GLRA2: variants seen among roughly 807,000 people sequenced by gnomAD.
The protein encoded by GLRA2 is glycine receptor alpha 2, also known as glycine receptor subunit alpha-2.
In GLRA2, 11 loss-of-function variants were observed where a neutral mutation model predicts 31.6. The observed-to-expected ratio is 0.35, with a 90% CI of 0.22 to 0.58. The LOEUF (loss-of-function observed/expected upper bound fraction) is 0.58. Among genes scored for constraint, GLRA2 ranks in the 20% least tolerant of loss-of-function variants. The pLI is 0.84. For synonymous variants in GLRA2, 132 were observed against 134.0 expected (o/e 0.99, Z 0.10); for missense variants, 212 against 351.8 (o/e 0.60, Z 3.18).
intron 4 of GLRA2, among the ~76,000 whole-genome samples, chrX:14,589,923 C>A (rs1274358647): frequency 9.1e-6 from 1 of 110,023 alleles, no homozygotes; most frequent in Non-Finnish European, 1.9e-5. Context: ...TGCATGCCTC[C>A]AGAATGGGTA....
chrX:14,476,934 G>A, the GLRA2 span, among the ~76,000 whole-genome samples: 1 of 111,778 alleles, frequency 8.9e-6, no homozygotes. Flanking sequence ...ACTGAGTTAT[G>A]TCTAGACCTC....
chrX:14,515,851 A>G, the GLRA2 span, among the ~76,000 whole-genome samples: 6 of 111,848 alleles, frequency 5.4e-5, no homozygotes, highest in East Asian at 1.7e-3. Flanking sequence ...AATCATATCC[A>G]TTAGAACTTT....
At chrX:14,584,846 G>T (rs1163784214) in intron 4 of GLRA2, among the ~76,000 whole-genome samples, 3 of 111,880 alleles carry the variant, frequency 2.7e-5, no homozygotes, top group Non-Finnish European at 5.6e-5. Flanking sequence ...TCCAGGCCTT[G>T]GGTGGCATTT....
the GLRA2 span, among the ~76,000 whole-genome samples, chrX:14,489,631 A>G: frequency 1.3e-4 from 15 of 111,462 alleles, no homozygotes; most frequent in African/African-American, 4.6e-4. Flanking sequence ...CTGTGGTTGC[A>G]CTCCAGTGCA....
chrX:14,599,327 G>A (rs1168453850), intron 4 of GLRA2, among the ~76,000 whole-genome samples: 1 of 112,423 alleles, frequency 8.9e-6, no homozygotes, highest in Non-Finnish European at 1.9e-5. Flanking sequence ...TATCGGGGAA[G>A]AGGACAAATC....
At chrX:14,556,776 G>A (rs1429654014) in intron 2 of GLRA2, among the ~76,000 whole-genome samples, 1 of 112,012 alleles carries the variant, frequency 8.9e-6, no homozygotes, top group Non-Finnish European at 1.9e-5. Context: ...GGGCAGACAC[G>A]TTTTGTTTCA....
At chrX:14,473,512 T>C in the GLRA2 span, among the ~76,000 whole-genome samples, 1 of 112,368 alleles carries the variant, frequency 8.9e-6, no homozygotes, top group Non-Finnish European at 1.9e-5. Flanking sequence ...ATTTATGGCC[T>C]GTCCATGAAT....
chrX:14,686,267 G>C (rs183616101), intron 7 of GLRA2, among the ~76,000 whole-genome samples: 2 of 111,892 alleles, frequency 1.8e-5, no homozygotes, highest in Admixed American at 1.9e-4. Flanking sequence ...GTGTGATGTG[G>C]TGCTGAGAAG....
chrX:14,525,338 G>A (rs915057093), upstream of GLRA2, among the ~76,000 whole-genome samples: 4 of 111,025 alleles, frequency 3.6e-5, no homozygotes, highest in African/African-American at 1.3e-4. Flanking sequence ...CCATTGCATT[G>A]CAAATAAAAC....
At chrX:14,583,461 G>C (rs923611404) in intron 4 of GLRA2, among the ~76,000 whole-genome samples, 1 of 112,733 alleles carries the variant, frequency 8.9e-6, no homozygotes, top group Non-Finnish European at 1.9e-5. Context: ...TGTGGCGGCT[G>C]GGCGCCGTGG....
intron 2 of GLRA2, among the ~76,000 whole-genome samples, chrX:14,574,058 T>G (rs2089919945): frequency 1.8e-5 from 2 of 111,846 alleles, no homozygotes; most frequent in African/African-American, 6.5e-5. Flanking sequence ...AAAAGGCTAT[T>G]TTAATAGAAA....
At chrX:14,590,760 G>A (rs1335270922) in intron 4 of GLRA2, among the ~76,000 whole-genome samples, 1 of 112,132 alleles carries the variant, frequency 8.9e-6, no homozygotes, top group East Asian at 2.8e-4. Context: ...TTCTAACTCT[G>A]TGTCCAAATC....
chrX:14,518,984 C>T, the GLRA2 span, among the ~76,000 whole-genome samples: 2 of 96,007 alleles, frequency 2.1e-5, no homozygotes, highest in Non-Finnish European at 4.1e-5. Flanking sequence ...TGCACTCCAG[C>T]CTGGGCAACA....
Position 14,710,285 on chromosome X carries a change from T to G in GLRA2, c.1080+19426T>G, listed in dbSNP as rs909529092. On this transcript the variant is annotated intron_variant, in intron 8 of 8. Coordinates refer to ENST00000218075, the MANE Select transcript of GLRA2 (RefSeq NM_002063.4). ...TTGACTTTCATCCCTCTGAGCTACT[T>G]CCAGCAGAAATTGAGCAGTAAGAGG... is the stretch of plus-strand genomic sequence containing the variant. Among the ~76,000 whole-genome samples the G allele has an allele frequency of 3.6e-5, 4 of 112,065 alleles. No individual in the cohort carries two copies. In the East Asian group the frequency reaches 1.1e-3, roughly 31 times the overall value.
intron 2 of GLRA2, among the ~76,000 whole-genome samples, chrX:14,571,853 G>T (rs2089889490): frequency 9.0e-6 from 1 of 111,556 alleles, no homozygotes; most frequent in Non-Finnish European, 1.9e-5. Context: ...ATGGTTAGCA[G>T]GCCAGGAGGG....
chrX:14,505,411 G>GAAAAC, the GLRA2 span, among the ~76,000 whole-genome samples: 1 of 111,618 alleles, frequency 9.0e-6, no homozygotes, highest in Non-Finnish European at 1.9e-5. Flanking sequence ...TCAGTCCTGG[G>GAAAAC]AAAACAGAAA....
At chrX:14,722,538 A>G (rs1243341519) in intron 8 of GLRA2, among the ~76,000 whole-genome samples, 1 of 111,503 alleles carries the variant, frequency 9.0e-6, no homozygotes, top group Non-Finnish European at 1.9e-5. Flanking sequence ...GGGGATACAG[A>G]CCCCATGTCT....
the GLRA2 span, among the ~76,000 whole-genome samples, chrX:14,464,872 G>T: frequency 8.9e-6 from 1 of 112,156 alleles, no homozygotes; most frequent in African/African-American, 3.2e-5. Flanking sequence ...CTATTTTTAT[G>T]ACAGCACCAT....
At chrX:14,506,364 G>A in the GLRA2 span, among the ~76,000 whole-genome samples, 1 of 110,324 alleles carries the variant, frequency 9.1e-6, no homozygotes, top group East Asian at 2.9e-4. Context: ...TTTTTGCCTT[G>A]CATCCTCGCT....
Sources: gnomAD v4.1 joint callset for allele counts (sites outside exome capture counted in the v4.1 genomes callset) on GRCh38, gnomAD v4.1.1 for gene constraint, MANE v1.5 for transcripts, NCBI Gene and HGNC (gene_info 2026-07-23, HGNC 2026-07-21) for gene names.